The following ARHGEF10 variants were observed in gnomAD, a reference collection of about 807,000 sequenced individuals.
ARHGEF10 encodes the protein Rho guanine nucleotide exchange factor 10, also known as Rho guanine nucleotide exchange factor (GEF) 10.
Under a neutral mutation model 147.4 loss-of-function variants are expected in ARHGEF10, and 140 were observed. The ratio of observed to expected loss-of-function variants is 0.95; its 90% CI spans 0.83 to 1.09. The LOEUF (loss-of-function observed/expected upper bound fraction) is 1.09. Ranked by LOEUF, ARHGEF10 falls within the 50% of genes least tolerant of loss-of-function variation. ARHGEF10 has a pLI of 0.00. For synonymous variants in ARHGEF10, 902 were observed against 695.8 expected (o/e 1.30, Z -4.67); for missense variants, 2,222 against 1,752.7 (o/e 1.27, Z -4.78).
intron 1 of ARHGEF10, chr8:1,826,103 A>G: frequency 1.3e-6 from 2 of 1,594,416 alleles, no homozygotes; most frequent in Non-Finnish European, 1.7e-6. Context: ...ATAACTCTTT[A>G]TAGACAGATG....
chr8:1,877,615 G>A (rs1011022984), intron 8 of ARHGEF10, among the ~76,000 whole-genome samples: 28 of 151,440 alleles, frequency 1.8e-4, no homozygotes, highest in African/African-American at 6.3e-4. Flanking sequence ...TGTCAGAGCT[G>A]TAAGGCGTGA....
At chr8:1,947,395 C>T (rs1814679743) in intron 27 of ARHGEF10, among the ~76,000 whole-genome samples, 1 of 152,188 alleles carries the variant, frequency 6.6e-6, no homozygotes, top group Non-Finnish European at 1.5e-5. Flanking sequence ...AATGCAGCGG[C>T]CCTGCAGGAT....
chr8:1,952,721 G>T lies in ARHGEF10; in HGVS notation c.3414G>T (p.Ser1138=). The part of the protein sequence containing the change: ...HNMLPGHQRL[S]VTSLLVCHGL... ...TCCGCCCAGGGCACCAGCGGCTGTC[G>T]GTGACGAGCCTGCTCGTCTGCCACG... Residue 1138 remains serine, a synonymous_variant, in exon 28 of 29, where the codon TCG becomes TCT. Transcript: ENST00000349830. 1 of 1,613,040 alleles carries T rather than the reference G, an allele frequency of 6.2e-7. No individual in the cohort carries two copies. The highest frequency in any genetic ancestry group is 8.5e-7 in the Non-Finnish European group (1 of 1,179,924).
intron 17 of ARHGEF10, among the ~76,000 whole-genome samples, chr8:1,908,523 C>T (rs370155052): frequency 1.1e-4 from 16 of 152,160 alleles, no homozygotes; most frequent in South Asian, 2.1e-4. Context: ...TGAGCCACCG[C>T]GCCCGGCCCA....
intron 2 of ARHGEF10, among the ~76,000 whole-genome samples, chr8:1,850,057 G>A (rs368101646): frequency 0.024 from 2,015 of 85,012 alleles, 22 homozygotes; most frequent in Admixed American, 0.043. Flanking sequence ...TGAGGAGGGC[G>A]TGGGCCGGCT....
intron 18 of ARHGEF10, among the ~76,000 whole-genome samples, chr8:1,918,588 A>T (rs574853736): frequency 6.6e-6 from 1 of 152,232 alleles, no homozygotes. Context: ...AAATATGTAT[A>T]CATTGTGGAA....
intron 21 of ARHGEF10, among the ~76,000 whole-genome samples, chr8:1,924,891 C>G (rs910344323): frequency 2.1e-4 from 32 of 152,246 alleles, no homozygotes; most frequent in African/African-American, 7.5e-4. Context: ...AGCATTATAC[C>G]ATGTTTTAAA....
chr8:1,890,157 CACTGAGTGGGGTGAG>C, intron 11 of ARHGEF10, among the ~76,000 whole-genome samples: 1 of 38,896 alleles, frequency 2.6e-5, no homozygotes, highest in Non-Finnish European at 5.0e-5. Flanking sequence ...TGTGAGGAGA[CACTGAGTGGGGTGAG>C]GGTTTGTGAG....
At chr8:1,872,361 G>A (rs1481686767) in intron 7 of ARHGEF10, among the ~76,000 whole-genome samples, 3 of 152,164 alleles carry the variant, frequency 2.0e-5, no homozygotes, top group African/African-American at 7.2e-5. Flanking sequence ...CCCCTCAGTC[G>A]CATGCACTGT....
At chr8:1,839,961 GCTGT>G (rs1437972943) in intron 1 of ARHGEF10, among the ~76,000 whole-genome samples, 100 of 133,176 alleles carry the variant, frequency 7.5e-4, no homozygotes, top group Non-Finnish European at 1.3e-3. Flanking sequence ...CGGTGTGGAA[GCTGT>G]CTGGTGTGGA....
At chr8:1,840,642 CGTGGGGACTGTCCGGT>C (rs1400375058) in intron 1 of ARHGEF10, among the ~76,000 whole-genome samples, 2 of 117,732 alleles carry the variant, frequency 1.7e-5, no homozygotes, top group Non-Finnish European at 1.8e-5. Flanking sequence ...GACTGTCCGA[CGTGGGGACTGTCCGGT>C]GTGGGGACTG....
chr8:1,910,758 T>G (rs1262877316), intron 18 of ARHGEF10, among the ~76,000 whole-genome samples: 2 of 152,244 alleles, frequency 1.3e-5, no homozygotes, highest in Non-Finnish European at 2.9e-5. Flanking sequence ...GGCAATCAAA[T>G]TTATATTGTG....
chr8:1,905,757 CAT>C (rs750019127), intron 17 of ARHGEF10, 41 bp downstream of exon 17: 128 of 1,609,084 alleles, frequency 8.0e-5, no homozygotes, highest in Non-Finnish European at 1.0e-4. Flanking sequence ...ACCATCATCA[CAT>C]GTTACCTTTG....
chr8:1,853,175 G>A (rs1470226113), intron 2 of ARHGEF10, among the ~76,000 whole-genome samples: 1 of 152,154 alleles, frequency 6.6e-6, no homozygotes, highest in Non-Finnish European at 1.5e-5. Flanking sequence ...TGGCCTTCAT[G>A]GGTGACTCTC....
At chr8:1,883,182 C>T (rs1346497565) in intron 10 of ARHGEF10, among the ~76,000 whole-genome samples, 1 of 152,060 alleles carries the variant, frequency 6.6e-6, no homozygotes, top group Non-Finnish European at 1.5e-5. Flanking sequence ...AGCTGAAGTT[C>T]CAGGTTTTTC....
At chr8:1,832,967 CAG>C (rs1266014257) in intron 1 of ARHGEF10, among the ~76,000 whole-genome samples, 2 of 48,746 alleles carry the variant, frequency 4.1e-5, no homozygotes, top group African/African-American at 9.2e-5. Flanking sequence ...GAGGCAGATA[CAG>C]AGGCAGAGAG....
intron 1 of ARHGEF10, among the ~76,000 whole-genome samples, chr8:1,837,568 G>A (rs1803659741): frequency 2.0e-5 from 3 of 152,174 alleles, no homozygotes; most frequent in Non-Finnish European, 2.9e-5. Context: ...CAGAATTCTC[G>A]GAAGACACAC....
chr8:1,887,529 G>C (rs1242911666), intron 11 of ARHGEF10, among the ~76,000 whole-genome samples: 1 of 146,892 alleles, frequency 6.8e-6, no homozygotes, highest in Non-Finnish European at 1.5e-5. Context: ...GTGGGGTGAG[G>C]GATACGTGAG....
At chr8:1,866,659 G>T in intron 6 of ARHGEF10, 57 bp downstream of exon 6, 1 of 1,529,908 alleles carries the variant, frequency 6.5e-7, no homozygotes, top group Non-Finnish European at 9.0e-7. Context: ...AGACGTCACT[G>T]CGGCGGGGCC....
Sources: gnomAD v4.1 joint callset for allele counts (sites outside exome capture counted in the v4.1 genomes callset) on GRCh38, gnomAD v4.1.1 for gene constraint, MANE v1.5 for transcripts, NCBI Gene and HGNC (gene_info 2026-07-23, HGNC 2026-07-21) for gene names.